Variants in RBPJ observed in about 807,000 individuals in gnomAD.
RBPJ encodes the protein recombining binding protein suppressor of hairless.
A neutral mutation model predicts 67.8 loss-of-function variants in RBPJ; 9 were observed. The ratio of observed to expected loss-of-function variants is 0.13; its 90% CI spans 0.08 to 0.23. The LOEUF is 0.23. RBPJ is among the 10% of genes least tolerant of loss of function. The pLI, the probability that RBPJ is intolerant of heterozygous loss-of-function variation, is 1.00. For missense variants in RBPJ, 305 were observed against 595.6 expected, an observed-to-expected ratio of 0.51 and a Z score of 5.08; for synonymous variants, 198 against 203.3, an observed-to-expected ratio of 0.97 and a Z score of 0.22.
At chr4:26,146,462 A>G in the RBPJ span, among the ~76,000 whole-genome samples, 1 of 152,240 alleles carries the variant, frequency 6.6e-6, no homozygotes, top group Non-Finnish European at 1.5e-5. Context: ...ACAGGAGAAA[A>G]TCTTCAAGAC....
intron 1 of RBPJ, among the ~76,000 whole-genome samples, chr4:26,253,477 A>C (rs1003098895): frequency 6.7e-6 from 1 of 150,040 alleles, no homozygotes; most frequent in Non-Finnish European, 1.5e-5. Flanking sequence ...ACGCCCGGCT[A>C]ATTTTTTGTA....
chr4:26,232,970 T>C (rs1282248146), intron 1 of RBPJ, among the ~76,000 whole-genome samples: 2 of 152,182 alleles, frequency 1.3e-5, no homozygotes, highest in Non-Finnish European at 2.9e-5. Context: ...TATGTTGCAG[T>C]TAAAAGAAGT....
intron 1 of RBPJ, among the ~76,000 whole-genome samples, chr4:26,350,689 T>C (rs1726702827): frequency 6.6e-6 from 1 of 152,146 alleles, no homozygotes; most frequent in African/African-American, 2.4e-5. Flanking sequence ...ACAGCAAATG[T>C]AAAGACCTGT....
At chr4:26,244,488 CAT>C (rs907319720) in intron 1 of RBPJ, among the ~76,000 whole-genome samples, 6 of 106,284 alleles carry the variant, frequency 5.6e-5, no homozygotes, top group South Asian at 3.2e-4. Flanking sequence ...TGTGTGTATA[CAT>C]ATATGTGTGT....
intron 1 of RBPJ, among the ~76,000 whole-genome samples, chr4:26,250,168 A>G (rs1453842990): frequency 6.6e-6 from 1 of 152,020 alleles, no homozygotes; most frequent in Non-Finnish European, 1.5e-5. Flanking sequence ...CCGAACTTCT[A>G]GTAATATCTA....
At chr4:26,325,704 C>T (rs1167525942) in intron 1 of RBPJ, among the ~76,000 whole-genome samples, 1 of 152,162 alleles carries the variant, frequency 6.6e-6, no homozygotes, top group Non-Finnish European at 1.5e-5. Context: ...TGTCTCTTCT[C>T]CAGCTGAGTT....
intron 1 of RBPJ, among the ~76,000 whole-genome samples, chr4:26,270,437 G>GA (rs757127437): frequency 0.022 from 654 of 30,070 alleles, 70 homozygotes; most frequent in Middle Eastern, 0.069. Context: ...AAGAAAGAAA[G>GA]AAGAAAGAAA....
chr4:26,406,803 A>G (rs967142373), intron 3 of RBPJ, among the ~76,000 whole-genome samples: 1 of 152,278 alleles, frequency 6.6e-6, no homozygotes, highest in African/African-American at 2.4e-5. Context: ...AGGAAGGGGC[A>G]TAAGCTATGA....
chr4:26,405,837 A>T (rs186323820), intron 2 of RBPJ, among the ~76,000 whole-genome samples: 57 of 152,274 alleles, frequency 3.7e-4, no homozygotes, highest in Non-Finnish European at 6.6e-4. Flanking sequence ...TTAACTTTAT[A>T]ATATTTTAGA....
chr4:26,176,502 T>C (rs1716799475), intron 1 of RBPJ, among the ~76,000 whole-genome samples: 1 of 152,230 alleles, frequency 6.6e-6, no homozygotes. Flanking sequence ...AGCTAATCAC[T>C]CAGTAAACAG....
At chr4:26,174,473 C>T (rs1553845546) in intron 1 of RBPJ, among the ~76,000 whole-genome samples, 2 of 151,990 alleles carry the variant, frequency 1.3e-5, no homozygotes, top group Non-Finnish European at 2.9e-5. Context: ...TTTATTTTTA[C>T]TTATTTATTT....
intron 3 of RBPJ, among the ~76,000 whole-genome samples, chr4:26,408,908 C>G (rs1240242083): frequency 6.6e-6 from 1 of 152,182 alleles, no homozygotes; most frequent in Non-Finnish European, 1.5e-5. Context: ...AATACTTAAA[C>G]TTTGTAAACT....
At chr4:26,255,801 C>CAAAAAA (rs34958199) in intron 1 of RBPJ, among the ~76,000 whole-genome samples, 1 of 75,280 alleles carries the variant, frequency 1.3e-5, no homozygotes, top group African/African-American at 4.0e-5. Context: ...GACTCCGTCT[C>CAAAAAA]AAAAAAAAAA....
intron 4 of RBPJ, among the ~76,000 whole-genome samples, chr4:26,417,692 A>C (rs1734731000): frequency 6.6e-6 from 1 of 152,206 alleles, no homozygotes; most frequent in African/African-American, 2.4e-5. Context: ...GTTTTGACCA[A>C]GGTAGGCAAA....
chr4:26,120,714 C>CTTTTTTTTT, the RBPJ span, among the ~76,000 whole-genome samples: 4 of 83,014 alleles, frequency 4.8e-5, no homozygotes, highest in Non-Finnish European at 6.4e-5. Context: ...ATTTTCTCAA[C>CTTTTTTTTT]TTTTTTTTTT....
intron 1 of RBPJ, among the ~76,000 whole-genome samples, chr4:26,327,904 G>C (rs1723806577): frequency 6.6e-6 from 1 of 152,050 alleles, no homozygotes; most frequent in South Asian, 2.1e-4. Context: ...TGTTATAGAA[G>C]TACAGTATTG....
At position 26,244,823 on chromosome 4, in the gene RBPJ, G is replaced by A. The variant is rs75785180; in HGVS notation, c.-167+81209G>A. Reference sequence around the variant, plus strand: ...CTAATTTTGTATTTTTAGTAGAGGCGAGGTTTTGACATGTTGGCCAGGCTG... The same window carrying A: ...CTAATTTTGTATTTTTAGTAGAGGCAAGGTTTTGACATGTTGGCCAGGCTG... On this transcript the variant is annotated intron_variant, in intron 1 of 4. Coordinates refer to the RBPJ transcript ENST00000512351. Among the ~76,000 whole-genome samples the A allele has an allele frequency of 7.3e-4, 111 of 152,010 alleles. 2 individuals carry two copies. In the East Asian group the frequency reaches 0.02, roughly 27 times the overall value.
intron 2 of RBPJ, among the ~76,000 whole-genome samples, chr4:26,394,969 TTC>T (rs1462742134): frequency 6.6e-6 from 1 of 152,256 alleles, no homozygotes; most frequent in Non-Finnish European, 1.5e-5. Flanking sequence ...AGAATATTTT[TTC>T]TCTGTCACTT....
chr4:26,353,960 C>T (rs1050706067), intron 1 of RBPJ, among the ~76,000 whole-genome samples: 12 of 149,480 alleles, frequency 8.0e-5, no homozygotes, highest in South Asian at 2.1e-4. Flanking sequence ...GACAGAGTCT[C>T]GCTCTGTCCG....
Sources: gnomAD v4.1 joint callset for allele counts (sites outside exome capture counted in the v4.1 genomes callset) on GRCh38, gnomAD v4.1.1 for gene constraint, MANE v1.5 for transcripts, NCBI Gene and HGNC (gene_info 2026-07-23, HGNC 2026-07-21) for gene names.